CCDC192: variants seen among roughly 807,000 people sequenced by gnomAD.
CCDC192 encodes the protein coiled-coil domain-containing protein 192.
chr5:127,864,155 T>G (rs1158274740), intron 5 of CCDC192, among the ~76,000 whole-genome samples: 1 of 152,206 alleles, frequency 6.6e-6, no homozygotes, highest in Non-Finnish European at 1.5e-5. Context: ...TGATTAAATA[T>G]GACTCACTTG....
At chr5:127,718,526 G>T (rs567018257) in intron 2 of CCDC192, among the ~76,000 whole-genome samples, 1 of 152,308 alleles carries the variant, frequency 6.6e-6, no homozygotes, top group South Asian at 2.1e-4. Context: ...TTCTCTATGA[G>T]GGTGTTGAGG....
chr5:127,779,945 C>T (rs1173670552), intron 3 of CCDC192, among the ~76,000 whole-genome samples: 2 of 151,972 alleles, frequency 1.3e-5, no homozygotes, highest in Non-Finnish European at 2.9e-5. Flanking sequence ...TTTGCATCCT[C>T]ATAGCTTAGC....
chr5:127,869,309 A>G (rs1012386977), intron 5 of CCDC192, among the ~76,000 whole-genome samples: 6 of 152,270 alleles, frequency 3.9e-5, no homozygotes, highest in Admixed American at 3.9e-4. Context: ...GGGCAATAAG[A>G]GCAAAACTCC....
intron 5 of CCDC192, among the ~76,000 whole-genome samples, chr5:127,839,846 C>T (rs76996415): frequency 6.6e-6 from 1 of 151,816 alleles, no homozygotes; most frequent in African/African-American, 2.4e-5. Flanking sequence ...TTTAAAAATA[C>T]TGCCAATACT....
At chr5:127,735,472 T>C (rs1580556502) in intron 2 of CCDC192, among the ~76,000 whole-genome samples, 3 of 131,310 alleles carry the variant, frequency 2.3e-5, no homozygotes, top group Admixed American at 7.8e-5. Flanking sequence ...AAGAAAGTCA[T>C]TGGTAGCTTG....
intron 5 of CCDC192, among the ~76,000 whole-genome samples, chr5:127,869,853 A>G (rs1751773181): frequency 6.6e-6 from 1 of 152,168 alleles, no homozygotes; most frequent in Non-Finnish European, 1.5e-5. Flanking sequence ...TTTGCAACAT[A>G]AAATAAGATG....
In CCDC192 at chr5:127,761,423, G is replaced by T. The variant is rs147413925; in HGVS notation, c.222+7048G>T. ...AAATACTTTGCTGGGCCACACTAAA[G>T]GGTATCTGTGGGACTACGCTTAAAC... is the stretch of plus-strand genomic sequence containing the variant. On this transcript the variant is annotated intron_variant, in intron 3 of 6. Transcript: ENST00000514853. 2.8e-3 allele frequency among the ~76,000 whole-genome samples: 434 copies of T among 152,324 alleles called. 3 individuals are homozygous for T. Among genetic ancestry groups the T allele is most frequent in the Non-Finnish European group, 4.9e-3 (332 of 68,030 alleles).
chr5:127,932,260 A>T (rs1754054382), intron 6 of CCDC192, among the ~76,000 whole-genome samples: 1 of 151,904 alleles, frequency 6.6e-6, no homozygotes, highest in Non-Finnish European at 1.5e-5. Flanking sequence ...GCTGGAGTGC[A>T]ATGGCACGAT....
chr5:127,863,917 C>G (rs1751482558), intron 5 of CCDC192, among the ~76,000 whole-genome samples: 1 of 152,130 alleles, frequency 6.6e-6, no homozygotes, highest in Admixed American at 6.5e-5. Flanking sequence ...TTTAAACAGT[C>G]AAAATATATG....
At chr5:127,817,929 T>A (rs1366665624) in intron 5 of CCDC192, among the ~76,000 whole-genome samples, 1 of 152,224 alleles carries the variant, frequency 6.6e-6, no homozygotes, top group Non-Finnish European at 1.5e-5. Flanking sequence ...TGTGTAAATC[T>A]CCTAAGCTAT....
intron 5 of CCDC192, among the ~76,000 whole-genome samples, chr5:127,837,965 C>T (rs1750105180): frequency 6.6e-6 from 1 of 152,112 alleles, no homozygotes; most frequent in Non-Finnish European, 1.5e-5. Flanking sequence ...TCCAGCACTC[C>T]AGCCTGGTGA....
intron 3 of CCDC192, among the ~76,000 whole-genome samples, chr5:127,770,244 C>G (rs1008858304): frequency 6.6e-6 from 1 of 152,190 alleles, no homozygotes; most frequent in African/African-American, 2.4e-5. Flanking sequence ...GCCACCAAAC[C>G]TAGCTCAGTT....
intron 2 of CCDC192, among the ~76,000 whole-genome samples, chr5:127,746,691 C>T (rs115530160): frequency 0.021 from 3,178 of 151,334 alleles, 64 homozygotes; most frequent in Middle Eastern, 0.041. Flanking sequence ...AATTGGTTCA[C>T]TTCCTAGTAT....
rs17606512 is a variant in CCDC192 at position 127,806,963 on chromosome 5, T to C, written c.411+8801T>C. On this transcript the variant is annotated intron_variant, in intron 5 of 6. Coordinates refer to ENST00000514853, the MANE Select transcript of CCDC192 (RefSeq NM_001317938.2). ...ATCCCTGCCAGAGAGGAAGACAGCA[T>C]TGGGGAGTGAGACACTGGGCTAGAC... Among the ~76,000 whole-genome samples, 716 of 152,282 alleles carry C rather than the reference T, an allele frequency of 4.7e-3. 4 individuals are homozygous for C. Among genetic ancestry groups the C allele is most frequent in the Non-Finnish European group, 8.1e-3 (553 of 68,020 alleles).
At chr5:127,875,206 T>C (rs1452930137) in intron 5 of CCDC192, among the ~76,000 whole-genome samples, 3 of 152,238 alleles carry the variant, frequency 2.0e-5, no homozygotes, top group Non-Finnish European at 4.4e-5. Context: ...TAGGCATTAG[T>C]ACCTCGGTGG....
In CCDC192 at chr5:127,795,004, A is replaced by G. The variant is rs1757078101; in HGVS notation, c.223-2099A>G. Among the ~76,000 whole-genome samples, 5 of 152,174 alleles carry G rather than the reference A, an allele frequency of 3.3e-5. 1 individual carries two copies. The highest frequency in any genetic ancestry group is 2.1e-4 in the South Asian group (1 of 4,826). ...TATTTTGTTTTTGTTTTACAATTTGATAAATAGGCCGGACACAGTGGCTTA... is the reference window on the plus strand; with the variant it reads ...TATTTTGTTTTTGTTTTACAATTTGGTAAATAGGCCGGACACAGTGGCTTA... On this transcript the variant is annotated intron_variant, in intron 3 of 6. Transcript: ENST00000514853.
At chr5:127,889,421 G>A (rs1279443314) in intron 6 of CCDC192, among the ~76,000 whole-genome samples, 1 of 70,438 alleles carries the variant, frequency 1.4e-5, no homozygotes, top group Non-Finnish European at 2.9e-5. Context: ...TTTTTTTTTT[G>A]AGACAGAGTC....
At chr5:127,838,504 C>A (rs1208397448) in intron 5 of CCDC192, 1 of 152,168 alleles carries the variant, frequency 6.6e-6, no homozygotes, top group East Asian at 1.9e-4. Flanking sequence ...TGTTTATTTT[C>A]TGAAGGTGGA....
chr5:127,815,360 A>G (rs1748956322), intron 5 of CCDC192, among the ~76,000 whole-genome samples: 1 of 152,214 alleles, frequency 6.6e-6, no homozygotes, highest in East Asian at 1.9e-4. Flanking sequence ...GATTTCATTT[A>G]GGAGCAAGTG....
Sources: gnomAD v4.1 joint callset for allele counts (sites outside exome capture counted in the v4.1 genomes callset) on GRCh38, gnomAD v4.1.1 for gene constraint, MANE v1.5 for transcripts, NCBI Gene and HGNC (gene_info 2026-07-23, HGNC 2026-07-21) for gene names.